The following SYNE2 variants were observed in gnomAD, a reference collection of about 807,000 sequenced individuals.
SYNE2 encodes the protein spectrin repeat containing nuclear envelope protein 2.
SYNE2 carries 431 observed loss-of-function variants against 856.3 expected under a neutral mutation model. The observed-to-expected ratio is 0.50, with a 90% CI of 0.47 to 0.55. The LOEUF (loss-of-function observed/expected upper bound fraction) is 0.55. SYNE2 is among the 20% of genes least tolerant of loss of function. The pLI is 0.00. For synonymous variants in SYNE2, 2,923 were observed against 2,872.3 expected, an observed-to-expected ratio of 1.02 and a Z score of -0.56; for missense variants, 8,129 against 8,023.2, an observed-to-expected ratio of 1.01 and a Z score of -0.50.
At chr14:63,803,035 T>C (rs1011324342) in intron 1 of SYNE2, among the ~76,000 whole-genome samples, 2 of 152,198 alleles carry the variant, frequency 1.3e-5, no homozygotes, top group African/African-American at 2.4e-5. Context: ...CAATAATGGC[T>C]CAGGCAGCCT....
At chr14:64,072,982 G>T (rs2097424502) in intron 52 of SYNE2, among the ~76,000 whole-genome samples, 1 of 152,160 alleles carries the variant, frequency 6.6e-6, no homozygotes, top group Non-Finnish European at 1.5e-5. Flanking sequence ...GGTGCCTAAG[G>T]CATGGTATAG....
intron 62 of SYNE2, chr14:64,098,349 C>T (rs1454428307): frequency 3.1e-6 from 2 of 650,520 alleles, no homozygotes; most frequent in African/African-American, 1.8e-5. Context: ...ACCCAGAATT[C>T]TTAACACCTG....
In SYNE2 at chr14:64,080,559, T is replaced by A; in HGVS notation, c.11267T>A (p.Met3756Lys). The A allele has an allele frequency of 6.2e-7, 1 of 1,614,192 alleles. No homozygotes were observed. Among genetic ancestry groups the A allele is most frequent in the East Asian group, 2.2e-5 (1 of 44,882 alleles). Residue 3756 changes from methionine (M) to lysine (K), a missense_variant, in exon 56 of 116, where the codon ATG becomes AAG. Met to Lys is a moderately conservative substitution (Grantham distance 95). Transcript: ENST00000555002. Reference protein sequence around the residue: ...EQDPGQAQEWMDNLMIPFQQY... With the variant: ...EQDPGQAQEWKDNLMIPFQQY... ...GACCCAGGACAGGCTCAAGAATGGA[T>A]GGATAACTTGATGATTCCTTTCCAG...
intron 98 of SYNE2, 179 bp downstream of exon 98, chr14:64,188,887 G>C: frequency 1.4e-6 from 1 of 729,116 alleles, no homozygotes. Flanking sequence ...GGAGGTTCCA[G>C]AGAGATGGGA....
intron 1 of SYNE2, among the ~76,000 whole-genome samples, chr14:63,823,738 C>T (rs1444120454): frequency 6.6e-6 from 1 of 151,354 alleles, no homozygotes; most frequent in Admixed American, 6.6e-5. Flanking sequence ...CAGACTCAAG[C>T]AATCGTCCCA....
At chr14:64,101,237 C>A (rs2097726650) in intron 63 of SYNE2, among the ~76,000 whole-genome samples, 1 of 151,896 alleles carries the variant, frequency 6.6e-6, no homozygotes, top group Non-Finnish European at 1.5e-5. Flanking sequence ...TTTACATTCC[C>A]ACCGACAGTA....
At chr14:63,927,345 G>T (rs56028641) in intron 2 of SYNE2, among the ~76,000 whole-genome samples, 1 of 151,698 alleles carries the variant, frequency 6.6e-6, no homozygotes, top group Admixed American at 6.6e-5. Context: ...CCCAGGAGTT[G>T]GAGACTAGCC....
chr14:63,919,013 A>G (rs1472255748), intron 2 of SYNE2, among the ~76,000 whole-genome samples: 1 of 152,194 alleles, frequency 6.6e-6, no homozygotes, highest in Non-Finnish European at 1.5e-5. Flanking sequence ...TCTTCAAAAT[A>G]GCATATTTCA....
At chr14:64,008,678 G>A (rs1258286866) in intron 31 of SYNE2, among the ~76,000 whole-genome samples, 1 of 152,142 alleles carries the variant, frequency 6.6e-6, no homozygotes, top group African/African-American at 2.4e-5. Context: ...GGTGGGGAGT[G>A]GTGGAATGGG....
chr14:64,024,517 C>T lies in SYNE2; in HGVS notation c.5840+58C>T, dbSNP rs963613251. ...TTTTCTAACCATATCTTTATTTGTA[C>T]TCTGCCTCAGCGCAGAGAGCACTGG... On this transcript the variant is annotated intron_variant, in intron 39 of 115. Coordinates refer to ENST00000555002, the MANE Select transcript of SYNE2 (RefSeq NM_182914.3). The T allele has an allele frequency of 2.0e-6, 3 of 1,536,484 alleles. No individual in the cohort carries two copies. In the African/African-American group the frequency reaches 4.1e-5, roughly 21 times the overall value.
chr14:64,225,497 A>G lies in SYNE2; in HGVS notation c.20695A>G (p.Arg6899Gly). The change falls in exon 116 of 116, where the codon AGG becomes GGG. Residue 6899 changes from arginine (R) to glycine (G), a missense_variant. This residue lies in a region of SYNE2 where 5,410 missense variants were observed against 5,284.8 expected (regional missense o/e 1.02). Coordinates refer to ENST00000555002, the MANE Select transcript of SYNE2 (RefSeq NM_182914.3). ...TGCCCGGTCCTTTTACCCCATGCTGAGGTACACCAATGGGCCACCCCCCAC... is the reference window on the plus strand; with the variant it reads ...TGCCCGGTCCTTTTACCCCATGCTGGGGTACACCAATGGGCCACCCCCCAC... Reference protein sequence around the residue: ...NFARSFYPMLRYTNGPPPT With the variant: ...NFARSFYPMLGYTNGPPPT The G allele has an allele frequency of 6.2e-7, 1 of 1,614,194 alleles. No individual in the cohort carries two copies. Among genetic ancestry groups the G allele is most frequent in the Non-Finnish European group, 8.5e-7 (1 of 1,180,012 alleles).
At chr14:63,804,524 G>C (rs963410667) in intron 1 of SYNE2, among the ~76,000 whole-genome samples, 6 of 150,240 alleles carry the variant, frequency 4.0e-5, no homozygotes, top group Non-Finnish European at 5.9e-5. Flanking sequence ...TTGAAGTTTC[G>C]CTCTTGTTGC....
At chr14:64,219,468 T>C in intron 110 of SYNE2, 58 bp downstream of exon 110, 1 of 1,556,380 alleles carries the variant, frequency 6.4e-7, no homozygotes, top group Non-Finnish European at 8.9e-7. Flanking sequence ...AACGCATTGC[T>C]ATGCTGGACG....
chr14:63,767,138 G>T (rs1423540378), intron 1 of SYNE2, among the ~76,000 whole-genome samples: 1 of 150,114 alleles, frequency 6.7e-6, no homozygotes, highest in Non-Finnish European at 1.5e-5. Context: ...ATGGAGTCTG[G>T]CTCTGTCGCC....
At chr14:64,061,208 C>T (rs1017729770) in intron 49 of SYNE2, among the ~76,000 whole-genome samples, 8 of 152,158 alleles carry the variant, frequency 5.3e-5, no homozygotes, top group African/African-American at 9.7e-5. Context: ...AGCCATCTTG[C>T]TCCTCCTGCA....
At chr14:63,889,813 TGA>T (rs1390394026) in intron 1 of SYNE2, among the ~76,000 whole-genome samples, 1 of 152,072 alleles carries the variant, frequency 6.6e-6, no homozygotes, top group African/African-American at 2.4e-5. Flanking sequence ...TTACATGACA[TGA>T]GAGTCTTCAG....
chr14:64,032,190 A>G (rs1409222009), intron 45 of SYNE2, among the ~76,000 whole-genome samples: 1 of 152,224 alleles, frequency 6.6e-6, no homozygotes, highest in Non-Finnish European at 1.5e-5. Flanking sequence ...AGGATTTTCT[A>G]AAAATATGTA....
At chr14:64,076,136 G>T in intron 54 of SYNE2, 36 bp downstream of exon 54, 1 of 1,603,758 alleles carries the variant, frequency 6.2e-7, no homozygotes, top group South Asian at 1.1e-5. Context: ...TATTATTTAC[G>T]GAGCTGAATG....
At chr14:63,956,367 G>C in intron 8 of SYNE2, 1 of 455,846 alleles carries the variant, frequency 2.2e-6, no homozygotes, top group Non-Finnish European at 4.4e-6. Context: ...TATTACCTAT[G>C]CTTTTAATAT....
Sources: gnomAD v4.1 joint callset for allele counts (sites outside exome capture counted in the v4.1 genomes callset) on GRCh38, gnomAD v4.1.1 for gene constraint, gnomAD v4.1.1 regional missense constraint, MANE v1.5 for transcripts, NCBI Gene and HGNC (gene_info 2026-07-23, HGNC 2026-07-21) for gene names.